The following ZNF420 variants were observed in gnomAD, a reference collection of about 807,000 sequenced individuals.
ZNF420 encodes ATM and p53-associated KZNF protein.
Under a neutral mutation model 44.7 loss-of-function variants are expected in ZNF420, and 31 were observed. That is an observed-to-expected ratio of 0.69 (90% confidence interval 0.52 to 0.94). The LOEUF is 0.94. Among genes scored for constraint, ZNF420 ranks in the 40% least tolerant of loss-of-function variants. The probability of loss-of-function intolerance (pLI) is 0.00; values close to 1 mark genes in which losing one functional copy is unlikely to be tolerated. For missense variants in ZNF420, 681 were observed against 827.9 expected (o/e 0.82, Z 2.18); for synonymous variants, 245 against 267.4 (o/e 0.92, Z 0.82).
chr19:37,102,160 G>A (rs957651727), intron 4 of ZNF420, among the ~76,000 whole-genome samples: 6 of 128,930 alleles, frequency 4.7e-5, no homozygotes, highest in African/African-American at 1.8e-4. Flanking sequence ...GCCCATCTCA[G>A]CCCACATGGG....
chr19:37,041,424 T>C (rs1186560094), intron 1 of ZNF420, among the ~76,000 whole-genome samples: 1 of 152,194 alleles, frequency 6.6e-6, no homozygotes, highest in Non-Finnish European at 1.5e-5. Context: ...TTATGAGTGA[T>C]CAGCCTATAA....
chr19:37,129,039 G>A lies in ZNF420; in HGVS notation c.2048G>A (p.Gly683Asp). The part of the protein sequence containing the change: ...YKECGIDFSH[G>D]SQVYM ...GAATGTGGGATTGACTTTAGTCATG[G>A]CTCACAAGTTTACATGTGAATTGTC... The change falls in exon 5 of 5, where the codon GGC becomes GAC. Residue 683 changes from glycine (G) to aspartate (D), a missense_variant. By Grantham distance (94) the Gly-to-Asp change is moderately conservative. This residue lies in a region of ZNF420 where 280 missense variants were observed against 338.6 expected (regional missense o/e 0.83). Transcript: ENST00000337995. 1 of 1,611,026 alleles carries A rather than the reference G, an allele frequency of 6.2e-7. No homozygotes were observed. Among genetic ancestry groups the A allele is most frequent in the Non-Finnish European group, 8.5e-7 (1 of 1,177,574 alleles).
chr19:37,113,560 G>C (rs1369801078), intron 4 of ZNF420, among the ~76,000 whole-genome samples: 1 of 152,142 alleles, frequency 6.6e-6, no homozygotes, highest in African/African-American at 2.4e-5. Context: ...ATTCTCATTG[G>C]TAATTGACTT....
intron 1 of ZNF420, among the ~76,000 whole-genome samples, chr19:37,072,311 A>G (rs576900647): frequency 1.8e-4 from 27 of 152,276 alleles, no homozygotes; most frequent in African/African-American, 5.8e-4. Flanking sequence ...AAGCAAGGCC[A>G]TCCTAGGAAG....
At chr19:37,118,500 A>T (rs969991401) in intron 4 of ZNF420, among the ~76,000 whole-genome samples, 2 of 152,236 alleles carry the variant, frequency 1.3e-5, no homozygotes, top group African/African-American at 4.8e-5. Context: ...AACCTGTACC[A>T]GCCACTGCAA....
intron 1 of ZNF420, among the ~76,000 whole-genome samples, chr19:37,017,969 A>T (rs1167387493): frequency 1.6e-4 from 24 of 152,220 alleles, no homozygotes; most frequent in Non-Finnish European, 1.5e-5. Context: ...GCAGAGTGCC[A>T]GGATGGTCAA....
upstream of ZNF420, among the ~76,000 whole-genome samples, chr19:37,077,685 C>G (rs1025861909): frequency 6.6e-6 from 1 of 152,162 alleles, no homozygotes; most frequent in Non-Finnish European, 1.5e-5. Flanking sequence ...TCTTGGCACC[C>G]TTACAGACAC....
At chr19:37,012,752 A>C (rs2074579645) in intron 1 of ZNF420, among the ~76,000 whole-genome samples, 1 of 134,202 alleles carries the variant, frequency 7.5e-6, no homozygotes, top group African/African-American at 2.8e-5. Context: ...CTTCTGTGCC[A>C]CTGCTATATG....
intron 1 of ZNF420, among the ~76,000 whole-genome samples, chr19:37,054,593 C>T (rs1032274784): frequency 5.3e-5 from 8 of 152,192 alleles, no homozygotes; most frequent in Non-Finnish European, 8.8e-5. Context: ...AGAGCGTCAG[C>T]CTTGGTCTTT....
intron 1 of ZNF420, among the ~76,000 whole-genome samples, chr19:37,072,243 T>A (rs1968070254): frequency 6.6e-6 from 1 of 152,202 alleles, no homozygotes; most frequent in Non-Finnish European, 1.5e-5. Context: ...TCGTAAAAGA[T>A]AAGAAATTGG....
At chr19:37,118,612 C>T (rs56165321) in intron 4 of ZNF420, among the ~76,000 whole-genome samples, 74,449 of 150,106 alleles carry the variant, frequency 0.5, 18,815 homozygotes, top group African/African-American at 0.57. Context: ...CAAATTCACA[C>T]ATAACAATAT....
At chr19:37,023,552 G>A (rs553788669) in intron 1 of ZNF420, among the ~76,000 whole-genome samples, 63 of 152,182 alleles carry the variant, frequency 4.1e-4, no homozygotes, top group Non-Finnish European at 6.9e-4. Context: ...TTTTAGTAGG[G>A]ACAGGGTTTT....
At chr19:37,008,260 T>C (rs2146362922) in intron 1 of ZNF420, among the ~76,000 whole-genome samples, 1 of 152,048 alleles carries the variant, frequency 6.6e-6, no homozygotes, top group East Asian at 1.9e-4. Context: ...GTGTGTGTAG[T>C]GTGTGTGTGT....
chr19:37,095,621 G>A (rs930716733), intron 4 of ZNF420, among the ~76,000 whole-genome samples: 3 of 151,456 alleles, frequency 2.0e-5, no homozygotes, highest in African/African-American at 4.9e-5. Context: ...TTTTTGAGAT[G>A]GGGTCTCATT....
At chr19:37,119,780 G>C (rs1162243525) in intron 4 of ZNF420, among the ~76,000 whole-genome samples, 1 of 151,980 alleles carries the variant, frequency 6.6e-6, no homozygotes, top group Non-Finnish European at 1.5e-5. Context: ...AATAAAAAAT[G>C]ATAAAGGGGA....
chr19:37,125,185 C>G (rs562959639), intron 4 of ZNF420, among the ~76,000 whole-genome samples: 226 of 152,180 alleles, frequency 1.5e-3, no homozygotes, highest in Non-Finnish European at 2.5e-3. Context: ...ATTATAGAAC[C>G]CTTTCATTAC....
intron 4 of ZNF420, chr19:37,107,224 C>A (rs1051143027): frequency 2.0e-5 from 3 of 152,156 alleles, no homozygotes; most frequent in African/African-American, 4.8e-5. Context: ...TTACCCTTCC[C>A]ATGAGGCCAT....
intron 2 of ZNF420, among the ~76,000 whole-genome samples, chr19:37,086,186 G>C (rs1327122300): frequency 6.6e-6 from 1 of 151,918 alleles, no homozygotes; most frequent in Non-Finnish European, 1.5e-5. Context: ...AATGATAGGA[G>C]CTTTTTGTTC....
At chr19:37,064,733 A>G (rs747446546) in intron 1 of ZNF420, among the ~76,000 whole-genome samples, 7 of 152,170 alleles carry the variant, frequency 4.6e-5, no homozygotes, top group Non-Finnish European at 8.8e-5. Flanking sequence ...GGCCTAAGTA[A>G]CTGCACCGGC....
Sources: allele counts gnomAD v4.1 joint callset (sites outside exome capture counted in the v4.1 genomes callset), GRCh38; gene constraint gnomAD v4.1.1; regional missense constraint gnomAD v4.1.1; transcripts MANE v1.5; gene names NCBI Gene and HGNC (gene_info 2026-07-23, HGNC 2026-07-21).